The following PCDH15 variants were observed in gnomAD, a reference collection of about 807,000 sequenced individuals.
PCDH15 encodes protocadherin related 15, also known as protocadherin-15.
In PCDH15, 129 loss-of-function variants were observed where a neutral mutation model predicts 178.5. That is an observed-to-expected ratio of 0.72 (90% CI 0.63 to 0.84). PCDH15 has a LOEUF of 0.84. Ranked by LOEUF, PCDH15 falls within the 40% of genes least tolerant of loss-of-function variation. PCDH15 has a pLI of 0.00. For synonymous variants in PCDH15, 800 were observed against 732.0 expected, an observed-to-expected ratio of 1.09 and a Z score of -1.50; for missense variants, 2,230 against 2,099.9, an observed-to-expected ratio of 1.06 and a Z score of -1.21.
chr10:55,003,638 A>G (rs1278780093), intron 2 of PCDH15, among the ~76,000 whole-genome samples: 4 of 152,240 alleles, frequency 2.6e-5, no homozygotes, highest in African/African-American at 9.6e-5. Context: ...CAATAAGAGT[A>G]TATTTTATGT....
chr10:55,587,425 C>A (rs540248839), intron 2 of PCDH15, among the ~76,000 whole-genome samples: 3 of 60,864 alleles, frequency 4.9e-5, no homozygotes, highest in African/African-American at 4.8e-4. Context: ...GGCACTGGTA[C>A]GGAAAAATAT....
intron 1 of PCDH15, among the ~76,000 whole-genome samples, chr10:54,710,335 T>C (rs1346634845): frequency 1.3e-5 from 2 of 152,044 alleles, no homozygotes; most frequent in Non-Finnish European, 2.9e-5. Flanking sequence ...GGAAAAGTAT[T>C]GTGAAGGATA....
chr10:54,207,449 C>G (rs565640822), intron 10 of PCDH15, among the ~76,000 whole-genome samples: 1 of 151,574 alleles, frequency 6.6e-6, no homozygotes, highest in South Asian at 2.1e-4. Flanking sequence ...GGTAGTGTTG[C>G]TCTTCGGCAA....
At chr10:54,042,247 T>C (rs1215525244) in intron 18 of PCDH15, among the ~76,000 whole-genome samples, 2 of 152,208 alleles carry the variant, frequency 1.3e-5, no homozygotes, top group East Asian at 3.9e-4. Flanking sequence ...CTCCATTTCA[T>C]AGCTAAGGAA....
At chr10:55,336,982 AT>A (rs1844413038) in intron 2 of PCDH15, among the ~76,000 whole-genome samples, 1 of 152,124 alleles carries the variant, frequency 6.6e-6, no homozygotes, top group Non-Finnish European at 1.5e-5. Context: ...CTAGATGCCA[AT>A]AGCAGCCCTG....
At chr10:55,249,239 A>T (rs1841767656) in intron 1 of PCDH15, among the ~76,000 whole-genome samples, 1 of 152,226 alleles carries the variant, frequency 6.6e-6, no homozygotes, top group African/African-American at 2.4e-5. Context: ...ATCATCTTAC[A>T]TAATAGCAAT....
chr10:55,598,551 T>TAGATAGATAGATAG (rs1329668069), intron 2 of PCDH15, among the ~76,000 whole-genome samples: 20 of 64,878 alleles, frequency 3.1e-4, no homozygotes, highest in African/African-American at 1.3e-3. Context: ...TATATATATA[T>TAGATAGATAGATAG]ATATATATAT....
At chr10:53,955,960 T>C (rs2087571077) in intron 23 of PCDH15, among the ~76,000 whole-genome samples, 1 of 152,140 alleles carries the variant, frequency 6.6e-6, no homozygotes, top group Admixed American at 6.5e-5. Context: ...CATAGGCATA[T>C]TGCCAAAGCT....
chr10:54,230,418 TAAC>T (rs377186848), intron 9 of PCDH15, among the ~76,000 whole-genome samples: 71 of 152,230 alleles, frequency 4.7e-4, no homozygotes, highest in African/African-American at 1.7e-3. Flanking sequence ...GACTCTCTGA[TAAC>T]TGTGAAATAT....
intron 1 of PCDH15, among the ~76,000 whole-genome samples, chr10:55,230,739 G>C (rs372174069): frequency 1.3e-5 from 2 of 151,952 alleles, no homozygotes; most frequent in Non-Finnish European, 2.9e-5. Flanking sequence ...TTTTATGCTC[G>C]ATTTGTTGGT....
intron 3 of PCDH15, among the ~76,000 whole-genome samples, chr10:54,510,406 A>G (rs1243255020): frequency 1.3e-5 from 2 of 152,192 alleles, no homozygotes; most frequent in African/African-American, 4.8e-5. Context: ...TTATGTGATT[A>G]ATTCTCTCTA....
At chr10:54,964,178 A>G (rs1468586246) in intron 2 of PCDH15, among the ~76,000 whole-genome samples, 2 of 152,160 alleles carry the variant, frequency 1.3e-5, no homozygotes, top group Non-Finnish European at 2.9e-5. Flanking sequence ...AAGAACTTAG[A>G]TAAGACAAAT....
intron 3 of PCDH15, among the ~76,000 whole-genome samples, chr10:54,443,242 T>C (rs1191357504): frequency 3.3e-5 from 5 of 151,616 alleles, no homozygotes; most frequent in Admixed American, 6.6e-5. Flanking sequence ...TTAGTCCCTA[T>C]ATTAAATATC....
chr10:54,461,670 C>G (rs1345510747), intron 3 of PCDH15, among the ~76,000 whole-genome samples: 1 of 152,072 alleles, frequency 6.6e-6, no homozygotes, highest in Non-Finnish European at 1.5e-5. Flanking sequence ...CCTTGAGAAA[C>G]TTTTTTTCAA....
At chr10:55,392,975 GTGTA>G (rs1320224383) in intron 2 of PCDH15, among the ~76,000 whole-genome samples, 4 of 122,852 alleles carry the variant, frequency 3.3e-5, no homozygotes, top group Non-Finnish European at 7.1e-5. Flanking sequence ...AAGAACTAAA[GTGTA>G]TGTGTGTGTG....
intron 3 of PCDH15, among the ~76,000 whole-genome samples, chr10:54,454,404 C>T (rs374237978): frequency 2.7e-5 from 4 of 147,658 alleles, no homozygotes; most frequent in Non-Finnish European, 6.0e-5. Context: ...TAGTATTCAA[C>T]TGATGTTTAA....
chr10:55,111,961 T>C (rs896919737), intron 2 of PCDH15, among the ~76,000 whole-genome samples: 2 of 152,196 alleles, frequency 1.3e-5, no homozygotes, highest in Non-Finnish European at 2.9e-5. Flanking sequence ...ATGCAAATAA[T>C]AATACATAAT....
intron 2 of PCDH15, among the ~76,000 whole-genome samples, chr10:55,035,547 G>A (rs949135263): frequency 1.7e-4 from 26 of 152,078 alleles, no homozygotes; most frequent in South Asian, 4.1e-4. Flanking sequence ...GCATCACAGC[G>A]TAATAAAGTT....
chr10:53,878,290 AATAT>A (rs200022201), intron 26 of PCDH15, among the ~76,000 whole-genome samples: 4 of 130,680 alleles, frequency 3.1e-5, no homozygotes, highest in South Asian at 2.4e-4. Context: ...ACACACTTTG[AATAT>A]ATATATAGAC....
Sources: allele counts gnomAD v4.1 joint callset (sites outside exome capture counted in the v4.1 genomes callset), GRCh38; gene constraint gnomAD v4.1.1; transcripts MANE v1.5; gene names NCBI Gene and HGNC (gene_info 2026-07-23, HGNC 2026-07-21).